XRCC5: variants seen among roughly 807,000 people sequenced by gnomAD.
XRCC5 encodes X-ray repair cross complementing 5, also known as DNA repair protein Ku80.
A neutral mutation model predicts 95.7 loss-of-function variants in XRCC5; 12 were observed. That is an observed-to-expected ratio of 0.13 (90% confidence interval 0.08 to 0.20). The LOEUF is 0.20. Ranked by LOEUF, XRCC5 falls within the 10% of genes least tolerant of loss-of-function variation. The pLI is 1.00. For missense variants in XRCC5, 595 were observed against 873.9 expected, an observed-to-expected ratio of 0.68 and a Z score of 4.02; for synonymous variants, 281 against 290.3, an observed-to-expected ratio of 0.97 and a Z score of 0.33.
intron 10 of XRCC5, among the ~76,000 whole-genome samples, chr2:216,132,911 A>C (rs931332992): frequency 2.0e-5 from 3 of 152,210 alleles, no homozygotes; most frequent in Non-Finnish European, 2.9e-5. Context: ...TCCAAGTTAG[A>C]ACTAACTTTG....
chr2:216,129,868 G>A (rs968958584), intron 8 of XRCC5, among the ~76,000 whole-genome samples: 4 of 152,096 alleles, frequency 2.6e-5, no homozygotes, highest in Admixed American at 2.6e-4. Flanking sequence ...AGTAGAGACA[G>A]AGTTTCACTG....
At chr2:216,136,278 C>T (rs1171174871) in intron 10 of XRCC5, among the ~76,000 whole-genome samples, 1 of 150,986 alleles carries the variant, frequency 6.6e-6, no homozygotes, top group Non-Finnish European at 1.5e-5. Flanking sequence ...ATCGCTTGAA[C>T]CTGGGAGGTG....
chr2:216,115,495 A>G (rs919100546), intron 2 of XRCC5, among the ~76,000 whole-genome samples: 3 of 152,184 alleles, frequency 2.0e-5, no homozygotes, highest in Non-Finnish European at 1.5e-5. Context: ...TGAATCCAGC[A>G]GCAGGCACCC....
intron 13 of XRCC5, among the ~76,000 whole-genome samples, chr2:216,142,596 GA>G (rs748809619): frequency 1.3e-5 from 2 of 150,806 alleles, no homozygotes; most frequent in South Asian, 2.1e-4. Context: ...CCACAAAACT[GA>G]AAAAAAAATT....
intron 5 of XRCC5, among the ~76,000 whole-genome samples, chr2:216,121,820 C>T (rs1419649262): frequency 2.6e-5 from 4 of 152,174 alleles, no homozygotes; most frequent in Non-Finnish European, 2.9e-5. Context: ...TTCCTAAGGC[C>T]TTGTGCCACC....
At chr2:216,183,733 T>C (rs1689436667) in intron 16 of XRCC5, among the ~76,000 whole-genome samples, 1 of 152,200 alleles carries the variant, frequency 6.6e-6, no homozygotes, top group Admixed American at 6.5e-5. Context: ...GAACAGTTTC[T>C]AGAAGGTGGA....
intron 16 of XRCC5, among the ~76,000 whole-genome samples, chr2:216,186,757 G>A (rs1689499687): frequency 6.6e-6 from 1 of 152,182 alleles, no homozygotes; most frequent in Non-Finnish European, 1.5e-5. Context: ...TGAGTTTGAA[G>A]ACTGATAAGC....
intron 16 of XRCC5, among the ~76,000 whole-genome samples, chr2:216,179,144 G>A (rs959871345): frequency 6.6e-6 from 1 of 152,198 alleles, no homozygotes; most frequent in African/African-American, 2.4e-5. Context: ...CCTTCTGAGA[G>A]GTATGGGGGA....
chr2:216,205,148 T>A (rs2287560), intron 20 of XRCC5, 40 bp from the exon 21 acceptor site: 1 of 1,613,560 alleles, frequency 6.2e-7, no homozygotes, highest in Non-Finnish European at 8.5e-7. Context: ...GGTATGAAAT[T>A]GGCCTGATTC....
chr2:216,138,163 G>C lies in XRCC5; in HGVS notation c.1326G>C (p.Lys442Asn). ...TGTTTTCATCCTTGAAAAACAGTAAGAAATATGCTCCCACCGGTGAGTTTG... is the reference window on the plus strand; with the variant it reads ...TGTTTTCATCCTTGAAAAACAGTAACAAATATGCTCCCACCGGTGAGTTTG... ...QYMFSSLKNS[K>N]KYAPTEAQLN... The change falls in exon 12 of 21, where the codon AAG becomes AAC. Residue 442 changes from lysine (K) to asparagine (N), a missense_variant. By Grantham distance (94) the Lys-to-Asn change is moderately conservative (BLOSUM62 0). Coordinates refer to ENST00000392132, the MANE Select transcript of XRCC5 (RefSeq NM_021141.4). 1.2e-6 allele frequency: 2 copies of C among 1,612,968 alleles called. No homozygotes were observed. The highest frequency in any genetic ancestry group is 1.7e-6 in the Non-Finnish European group (2 of 1,179,850).
Position 216,141,164 on chromosome 2 carries a change from T to G in XRCC5, c.1343-22T>G, listed in dbSNP as rs371491112. ...GGAGAATAATGGAAATAATCATTTT[T>G]CTTTCGGCTTCTCTGTTTAAGAGGC... On this transcript the variant is annotated intron_variant, in intron 12 of 20. Transcript: ENST00000392132. The G allele has an allele frequency of 5.0e-6, 8 of 1,609,156 alleles. No individual in the cohort carries two copies. In the East Asian group the frequency reaches 6.7e-5, roughly 13 times the overall value.
At chr2:216,115,137 C>T (rs1471339948) in intron 2 of XRCC5, among the ~76,000 whole-genome samples, 4 of 151,522 alleles carry the variant, frequency 2.6e-5, no homozygotes, top group Non-Finnish European at 5.9e-5. Flanking sequence ...ATAAATTTTT[C>T]CTCCTGCTTT....
intron 16 of XRCC5, among the ~76,000 whole-genome samples, chr2:216,187,264 T>C (rs1454298753): frequency 6.6e-6 from 1 of 152,032 alleles, no homozygotes. Flanking sequence ...TAAGAAAAAC[T>C]AAATCCACAT....
chr2:216,187,522 T>TTA (rs1027363536), intron 16 of XRCC5, among the ~76,000 whole-genome samples: 1 of 110,756 alleles, frequency 9.0e-6, no homozygotes, highest in African/African-American at 3.2e-5. Context: ...GTGTGTGTGT[T>TTA]CTATCATATT....
chr2:216,148,561 A>T (rs1437946633), intron 14 of XRCC5, among the ~76,000 whole-genome samples: 1 of 152,218 alleles, frequency 6.6e-6, no homozygotes, highest in African/African-American at 2.4e-5. Context: ...TATAATTCAG[A>T]TAAGTTTCTG....
At chr2:216,168,074 G>A (rs1359353853) in intron 16 of XRCC5, among the ~76,000 whole-genome samples, 1 of 152,170 alleles carries the variant, frequency 6.6e-6, no homozygotes, top group Non-Finnish European at 1.5e-5. Context: ...TGGTCTCATT[G>A]TAACACAAAA....
rs573552489 is a variant in XRCC5, at chr2:216,138,349, C to G, written c.1342+170C>G. 7.9e-5 allele frequency among the ~76,000 whole-genome samples: 12 copies of G among 152,288 alleles called. No individual in the cohort carries two copies. In the South Asian group the frequency reaches 2.5e-3, roughly 32 times the overall value. On this transcript the variant is annotated intron_variant, in intron 12 of 20. Coordinates refer to ENST00000392132, the MANE Select transcript of XRCC5 (RefSeq NM_021141.4). ...TGAAGGTGGTTTACTTGGTGTTTTTCCAGTAGTAGGGATAGGTTTGCCTTA... is the reference window on the plus strand; with the variant it reads ...TGAAGGTGGTTTACTTGGTGTTTTTGCAGTAGTAGGGATAGGTTTGCCTTA...
intron 14 of XRCC5, chr2:216,156,769 C>T (rs1182745804): frequency 3.8e-6 from 2 of 530,040 alleles, no homozygotes; most frequent in African/African-American, 3.8e-5. Context: ...GGAACAAAGT[C>T]TATGTCCATG....
At chr2:216,154,489 C>T (rs1432055062) in intron 14 of XRCC5, among the ~76,000 whole-genome samples, 1 of 152,218 alleles carries the variant, frequency 6.6e-6, no homozygotes, top group Non-Finnish European at 1.5e-5. Context: ...TAGGCCTTCT[C>T]ATTTTAGCCT....
Sources: gnomAD v4.1 joint callset for allele counts (sites outside exome capture counted in the v4.1 genomes callset) on GRCh38, gnomAD v4.1.1 for gene constraint, MANE v1.5 for transcripts, NCBI Gene and HGNC (gene_info 2026-07-23, HGNC 2026-07-21) for gene names.